The following SLC2A13 variants were observed in gnomAD, a reference collection of about 807,000 sequenced individuals.
The protein encoded by SLC2A13 is proton myo-inositol cotransporter.
In SLC2A13, 32 loss-of-function variants were observed where a neutral mutation model predicts 64.4. The observed-to-expected ratio is 0.50, with a 90% CI of 0.37 to 0.67. The LOEUF is 0.67. SLC2A13 is among the 30% of genes least tolerant of loss of function. The pLI is 0.00. For missense variants in SLC2A13, 743 were observed against 829.2 expected, an observed-to-expected ratio of 0.90 and a Z score of 1.28; for synonymous variants, 338 against 327.1, an observed-to-expected ratio of 1.03 and a Z score of -0.36.
chr12:40,097,329 T>C (rs998008208), intron 1 of SLC2A13, among the ~76,000 whole-genome samples: 5 of 152,166 alleles, frequency 3.3e-5, no homozygotes, highest in Admixed American at 3.3e-4. Flanking sequence ...GCATGACAAA[T>C]GACTCCAACA....
chr12:40,092,802 G>C (rs1271583101), intron 1 of SLC2A13, among the ~76,000 whole-genome samples: 1 of 152,176 alleles, frequency 6.6e-6, no homozygotes, highest in Non-Finnish European at 1.5e-5. Context: ...GAAGGTCAGA[G>C]AAAACTGATC....
chr12:39,859,830 T>C (rs1943711265), intron 6 of SLC2A13, among the ~76,000 whole-genome samples: 1 of 152,122 alleles, frequency 6.6e-6, no homozygotes, highest in East Asian at 1.9e-4. Flanking sequence ...CTGGCCTTAA[T>C]TGAGAAGTAT....
chr12:39,898,399 TC>T (rs1181074500), intron 4 of SLC2A13, among the ~76,000 whole-genome samples: 2 of 152,058 alleles, frequency 1.3e-5, no homozygotes, highest in Non-Finnish European at 2.9e-5. Flanking sequence ...TGCTAGAAAA[TC>T]CTTGATTTAC....
At position 39,758,738 on chromosome 12, in the gene SLC2A13, A is replaced by G. The variant is rs2135704054; in HGVS notation, c.*1288T>C. 1 of 152,144 alleles carries G rather than the reference A, an allele frequency of 6.6e-6. No individual in the cohort carries two copies. Among genetic ancestry groups the G allele is most frequent in the East Asian group, 1.9e-4 (1 of 5,294 alleles). The allele number at this position is 152,144 out of a possible 1,614,324, so 9.4% of individuals were successfully genotyped here. ...CAATAGGCAATCTCAATTTTTACACAAGAAGGAAAAACTAAGCCAAGAATA... is the reference window on the plus strand; with the variant it reads ...CAATAGGCAATCTCAATTTTTACACGAGAAGGAAAAACTAAGCCAAGAATA... On this transcript the variant is annotated 3_prime_UTR_variant, in exon 10 of 10. Coordinates refer to ENST00000280871, the MANE Select transcript of SLC2A13 (RefSeq NM_052885.4).
chr12:39,797,373 C>A (rs1357143456), intron 7 of SLC2A13, among the ~76,000 whole-genome samples: 1 of 152,146 alleles, frequency 6.6e-6, no homozygotes, highest in Non-Finnish European at 1.5e-5. Context: ...TAATTATAAT[C>A]CTATTTTCCT....
At chr12:39,864,604 G>A (rs1943854156) in intron 6 of SLC2A13, among the ~76,000 whole-genome samples, 158 bp downstream of exon 6, 1 of 151,974 alleles carries the variant, frequency 6.6e-6, no homozygotes, top group Non-Finnish European at 1.5e-5. Flanking sequence ...CCTCTTCCTA[G>A]GGGCCCCTCT....
At chr12:39,769,960 G>A (rs923614645) in intron 7 of SLC2A13, among the ~76,000 whole-genome samples, 1 of 151,986 alleles carries the variant, frequency 6.6e-6, no homozygotes, top group Non-Finnish European at 1.5e-5. Flanking sequence ...CAGGTTTCTT[G>A]TCTTAATCTT....
intron 1 of SLC2A13, among the ~76,000 whole-genome samples, chr12:40,081,225 T>C (rs988421645): frequency 6.6e-6 from 1 of 152,214 alleles, no homozygotes; most frequent in African/African-American, 2.4e-5. Flanking sequence ...TCTGTGAATT[T>C]ACCAAATTTG....
intron 3 of SLC2A13, among the ~76,000 whole-genome samples, chr12:40,025,109 T>A (rs1159213546): frequency 1.3e-5 from 2 of 152,198 alleles, no homozygotes; most frequent in Non-Finnish European, 2.9e-5. Flanking sequence ...CCAACTATAG[T>A]GGAAAAAAAC....
chr12:40,013,922 G>A (rs922850305), intron 3 of SLC2A13, among the ~76,000 whole-genome samples: 7 of 152,072 alleles, frequency 4.6e-5, no homozygotes, highest in Admixed American at 2.6e-4. Flanking sequence ...ATACTAAAAC[G>A]AAGCCACATA....
In SLC2A13 at chr12:39,821,210, G is replaced by C. The variant is rs141173916; in HGVS notation, c.1445+8893C>G. The stretch of plus-strand genomic sequence containing the variant: ...GGGCGGATCATGAGGTCAGGAGATC[G>C]AGACCATCCTGGCTAACACGGTGAA... On this transcript the variant is annotated intron_variant, in intron 7 of 9. Coordinates refer to ENST00000280871, the MANE Select transcript of SLC2A13 (RefSeq NM_052885.4). Among the ~76,000 whole-genome samples, 167 of 152,132 alleles carry C rather than the reference G, an allele frequency of 1.1e-3. 4 individuals are homozygous for C. In the East Asian group the frequency reaches 0.029, roughly 27 times the overall value.
intron 2 of SLC2A13, among the ~76,000 whole-genome samples, chr12:40,041,027 C>A (rs985325615): frequency 4.6e-5 from 7 of 152,070 alleles, no homozygotes; most frequent in Non-Finnish European, 1.0e-4. Context: ...GATCTTGGCT[C>A]ACTGCAACCT....
chr12:40,058,381 T>C (rs186359308), intron 1 of SLC2A13, among the ~76,000 whole-genome samples: 1 of 152,258 alleles, frequency 6.6e-6, no homozygotes. Context: ...CAAGATACTT[T>C]TAAATTAGAA....
chr12:39,781,968 T>C (rs1015046961), intron 7 of SLC2A13, among the ~76,000 whole-genome samples: 6 of 152,224 alleles, frequency 3.9e-5, no homozygotes, highest in Admixed American at 3.3e-4. Flanking sequence ...TCTTGAGTTA[T>C]GGTTGTCTTG....
At chr12:39,954,993 A>G (rs972232206) in intron 3 of SLC2A13, among the ~76,000 whole-genome samples, 4 of 152,204 alleles carry the variant, frequency 2.6e-5, no homozygotes, top group Non-Finnish European at 4.4e-5. Context: ...CTCCAAGAAC[A>G]CTATCAACAA....
intron 4 of SLC2A13, among the ~76,000 whole-genome samples, chr12:39,879,511 G>A (rs1157203998): frequency 6.6e-6 from 1 of 152,250 alleles, no homozygotes; most frequent in African/African-American, 2.4e-5. Context: ...GGAACATGCA[G>A]TCAGAGGAGA....
At chr12:39,915,954 T>C (rs1441692971) in intron 4 of SLC2A13, among the ~76,000 whole-genome samples, 1 of 151,280 alleles carries the variant, frequency 6.6e-6, no homozygotes, top group Non-Finnish European at 1.5e-5. Context: ...CTTACATTTA[T>C]TCAAAAGACA....
chr12:39,863,106 G>T (rs923612032), intron 6 of SLC2A13, among the ~76,000 whole-genome samples: 1 of 152,002 alleles, frequency 6.6e-6, no homozygotes, highest in Non-Finnish European at 1.5e-5. Flanking sequence ...CTAAAATTTG[G>T]TTCTATCTTC....
intron 4 of SLC2A13, among the ~76,000 whole-genome samples, chr12:39,931,765 C>T (rs921141038): frequency 6.6e-6 from 1 of 151,560 alleles, no homozygotes; most frequent in Non-Finnish European, 1.5e-5. Flanking sequence ...TCTGCAAAGC[C>T]TAATGAAAGA....
Sources: gnomAD v4.1 joint callset for allele counts (sites outside exome capture counted in the v4.1 genomes callset) on GRCh38, gnomAD v4.1.1 for gene constraint, MANE v1.5 for transcripts, NCBI Gene and HGNC (gene_info 2026-07-23, HGNC 2026-07-21) for gene names.